AKAP19: variants seen among roughly 807,000 people sequenced by gnomAD.
The protein encoded by AKAP19 is small A-kinase anchoring protein.
At chr2:189,975,299 A>C in the AKAP19 span, among the ~76,000 whole-genome samples, 33 of 152,174 alleles carry the variant, frequency 2.2e-4, no homozygotes, top group Non-Finnish European at 1.8e-4. Flanking sequence ...AAGAATGTTG[A>C]ATATTGGCCC....
At chr2:189,974,971 C>T in the AKAP19 span, among the ~76,000 whole-genome samples, 2 of 152,082 alleles carry the variant, frequency 1.3e-5, no homozygotes, top group African/African-American at 2.4e-5. Flanking sequence ...GAGCATTTAG[C>T]CCATTTACAT....
chr2:189,919,821 C>T, the AKAP19 span, among the ~76,000 whole-genome samples: 2 of 152,144 alleles, frequency 1.3e-5, no homozygotes, highest in Admixed American at 6.5e-5. Context: ...GAGTGTGAGC[C>T]TGCTTGTGTA....
chr2:190,133,064 G>A, the AKAP19 span, among the ~76,000 whole-genome samples: 6 of 151,462 alleles, frequency 4.0e-5, no homozygotes, highest in African/African-American at 1.2e-4. Flanking sequence ...GTGAAACCCC[G>A]TCTCTACTAA....
chr2:190,048,869 G>A, the AKAP19 span, among the ~76,000 whole-genome samples: 8 of 151,968 alleles, frequency 5.3e-5, no homozygotes, highest in Admixed American at 1.3e-4. Flanking sequence ...AAAATAAATT[G>A]GATTCTTCCT....
the AKAP19 span, among the ~76,000 whole-genome samples, chr2:190,189,287 T>C: frequency 6.6e-6 from 1 of 152,178 alleles, no homozygotes. Context: ...CTTAAAAACA[T>C]AGGCTGGATT....
At chr2:189,899,383 A>G in the AKAP19 span, among the ~76,000 whole-genome samples, 1 of 152,144 alleles carries the variant, frequency 6.6e-6, no homozygotes, top group African/African-American at 2.4e-5. Context: ...TATTACCTTT[A>G]TGTGATCTCC....
the AKAP19 span, among the ~76,000 whole-genome samples, chr2:190,124,316 T>C: frequency 6.6e-6 from 1 of 152,216 alleles, no homozygotes; most frequent in East Asian, 1.9e-4. Flanking sequence ...TACACAAACC[T>C]AGATGGTGTA....
At chr2:189,985,465 C>T in the AKAP19 span, among the ~76,000 whole-genome samples, 2 of 152,188 alleles carry the variant, frequency 1.3e-5, no homozygotes, top group African/African-American at 4.8e-5. Flanking sequence ...GTCAGAGAGA[C>T]ACTCTCTGGA....
the AKAP19 span, among the ~76,000 whole-genome samples, chr2:189,941,556 A>G: frequency 6.6e-6 from 1 of 152,214 alleles, no homozygotes; most frequent in Non-Finnish European, 1.5e-5. Context: ...TCCAAAGTAA[A>G]TATAAAATAA....
chr2:190,193,150 T>C, the AKAP19 span, among the ~76,000 whole-genome samples: 29 of 152,280 alleles, frequency 1.9e-4, no homozygotes, highest in African/African-American at 6.7e-4. Context: ...ATTAATACTT[T>C]GCTGGGATTT....
chr2:189,936,731 C>T, the AKAP19 span, among the ~76,000 whole-genome samples: 1 of 152,128 alleles, frequency 6.6e-6, no homozygotes, highest in African/African-American at 2.4e-5. Context: ...TGATCTGATA[C>T]ACACAACAAC....
At chr2:190,152,937 C>T in the AKAP19 span, among the ~76,000 whole-genome samples, 3 of 151,846 alleles carry the variant, frequency 2.0e-5, no homozygotes, top group East Asian at 3.9e-4. Flanking sequence ...ACTCTGTCGC[C>T]TAGGCTGGAG....
the AKAP19 span, chr2:190,057,304 T>C: frequency 6.2e-7 from 1 of 1,613,452 alleles, no homozygotes; most frequent in Non-Finnish European, 8.5e-7. Flanking sequence ...AATTTTCCCA[T>C]ATATTATTTG....
chr2:190,196,536 T>TC, the AKAP19 span, among the ~76,000 whole-genome samples: 361 of 151,436 alleles, frequency 2.4e-3, 8 homozygotes, highest in African/African-American at 1.1e-3. Flanking sequence ...TTTTTTTTTT[T>TC]CCCTTGATTA....
At chr2:190,054,499 T>TTAAAC in the AKAP19 span, among the ~76,000 whole-genome samples, 2 of 151,930 alleles carry the variant, frequency 1.3e-5, no homozygotes, top group Non-Finnish European at 2.9e-5. Context: ...TGGAATCTAA[T>TTAAAC]TAAAGAGCTT....
chr2:189,997,711 G>A, the AKAP19 span, among the ~76,000 whole-genome samples: 3 of 152,174 alleles, frequency 2.0e-5, no homozygotes, highest in African/African-American at 7.2e-5. Context: ...GAGAAGACAA[G>A]CACAGGTTTC....
the AKAP19 span, among the ~76,000 whole-genome samples, chr2:190,030,976 G>A: frequency 4.6e-5 from 7 of 152,186 alleles, no homozygotes; most frequent in African/African-American, 1.7e-4. Flanking sequence ...GATAAGGTGA[G>A]GCTCCATCAA....
At chr2:190,136,511 T>G in the AKAP19 span, among the ~76,000 whole-genome samples, 3 of 152,178 alleles carry the variant, frequency 2.0e-5, no homozygotes, top group African/African-American at 7.2e-5. Context: ...GATCAAAGGT[T>G]GGTTTCTGGA....
the AKAP19 span, among the ~76,000 whole-genome samples, chr2:190,141,913 G>C: frequency 6.6e-6 from 1 of 152,154 alleles, no homozygotes; most frequent in Non-Finnish European, 1.5e-5. Context: ...ATTTAAAAAG[G>C]CTTAGCGGGA....
Sources: allele counts gnomAD v4.1 joint callset (sites outside exome capture counted in the v4.1 genomes callset), GRCh38; gene constraint gnomAD v4.1.1; transcripts MANE v1.5; gene names NCBI Gene and HGNC (gene_info 2026-07-23, HGNC 2026-07-21).